The following CSMD2 variants were observed in gnomAD, a reference collection of about 807,000 sequenced individuals.
CSMD2 encodes the protein CUB and sushi domain-containing protein 2.
Under a neutral mutation model 398.5 loss-of-function variants are expected in CSMD2, and 130 were observed. The ratio of observed to expected loss-of-function variants is 0.33; its 90% CI spans 0.28 to 0.38. The LOEUF (loss-of-function observed/expected upper bound fraction) is 0.38. Among genes scored for constraint, CSMD2 ranks in the 10% least tolerant of loss-of-function variants. The probability of loss-of-function intolerance (pLI) is 1.00; values close to 1 mark genes in which losing one functional copy is unlikely to be tolerated. For missense variants in CSMD2, 3,829 were observed against 4,764.9 expected (o/e 0.80, Z 5.78); for synonymous variants, 1,828 against 1,908.5 (o/e 0.96, Z 1.10).
intron 44 of CSMD2, chr1:33,592,317 G>A (rs1639514625): frequency 8.4e-6 from 6 of 711,340 alleles, no homozygotes; most frequent in Non-Finnish European, 1.6e-5. Flanking sequence ...TCAGGAGATG[G>A]GTCCAGGCAA....
intron 3 of CSMD2, among the ~76,000 whole-genome samples, chr1:33,976,102 G>A (rs536860676): frequency 1.3e-5 from 2 of 152,170 alleles, no homozygotes; most frequent in Admixed American, 6.5e-5. Context: ...AAGGGACCCG[G>A]GTTGCTGTCT....
At chr1:34,135,264 A>T (rs868456424) in intron 1 of CSMD2, among the ~76,000 whole-genome samples, 3,007 of 151,748 alleles carry the variant, frequency 0.02, 101 homozygotes, top group African/African-American at 0.069. Flanking sequence ...ACACACACAC[A>T]CACACACACA....
chr1:34,117,636 T>C (rs886812789), intron 1 of CSMD2, among the ~76,000 whole-genome samples: 1 of 150,006 alleles, frequency 6.7e-6, no homozygotes, highest in Non-Finnish European at 1.5e-5. Flanking sequence ...AATACCAAAA[T>C]CAAAGATACT....
chr1:33,606,376 A>G (rs2148821764), intron 41 of CSMD2, among the ~76,000 whole-genome samples: 1 of 152,360 alleles, frequency 6.6e-6, no homozygotes, highest in South Asian at 2.1e-4. Context: ...CAACATCAAT[A>G]ACGCGGATCT....
intron 27 of CSMD2, among the ~76,000 whole-genome samples, chr1:33,653,596 GA>G (rs926993277): frequency 7.2e-5 from 11 of 152,156 alleles, no homozygotes; most frequent in Non-Finnish European, 1.5e-4. Flanking sequence ...TGGGGAGGGA[GA>G]AAGTGGCCAG....
intron 12 of CSMD2, among the ~76,000 whole-genome samples, chr1:33,775,483 G>A (rs1651855367): frequency 6.6e-6 from 1 of 152,098 alleles, no homozygotes; most frequent in Non-Finnish European, 1.5e-5. Flanking sequence ...CCCAGACCTG[G>A]GTCAGGAAAG....
chr1:33,864,459 C>A (rs747612103), intron 5 of CSMD2: 3 of 1,613,640 alleles, frequency 1.9e-6, no homozygotes, highest in Non-Finnish European at 2.5e-6. Context: ...AAAGCGGGAT[C>A]CCCAGGAACC....
chr1:33,536,328 A>G (rs1194819581), intron 62 of CSMD2, among the ~76,000 whole-genome samples: 1 of 151,950 alleles, frequency 6.6e-6, no homozygotes, highest in East Asian at 1.9e-4. Context: ...GGTCCACGCC[A>G]TTCTCCTGCC....
At chr1:33,929,143 C>T (rs982571705) in intron 4 of CSMD2, among the ~76,000 whole-genome samples, 2 of 152,120 alleles carry the variant, frequency 1.3e-5, no homozygotes, top group Non-Finnish European at 2.9e-5. Flanking sequence ...AACTTTGGCC[C>T]TTTATTCTAT....
chr1:34,074,185 A>G (rs2148307922), intron 2 of CSMD2, among the ~76,000 whole-genome samples: 1 of 152,358 alleles, frequency 6.6e-6, no homozygotes, highest in East Asian at 1.9e-4. Flanking sequence ...ATACAGAGCC[A>G]AACTATATCA....
intron 3 of CSMD2, among the ~76,000 whole-genome samples, chr1:34,014,453 C>A (rs1317044319): frequency 1.3e-5 from 2 of 152,248 alleles, no homozygotes; most frequent in Non-Finnish European, 2.9e-5. Context: ...CTGGTTGCAT[C>A]TCTGTTCTCC....
At position 33,673,640 on chromosome 1, in the gene CSMD2, A is replaced by G. The variant is rs1393759437; in HGVS notation, c.4053-10548T>C. On this transcript the variant is annotated intron_variant, in intron 25 of 70. Transcript: ENST00000373381. ...ACAAAGATACTCCTCGAGAAGAGCA[A>G]CTCCAAGACACATAATTGTCAGATT... 2.3e-4 allele frequency among the ~76,000 whole-genome samples: 35 copies of G among 152,162 alleles called. 1 individual carries two copies. The highest frequency in any genetic ancestry group is 8.8e-5 in the Non-Finnish European group (6 of 68,030).
rs766913897 is a variant in CSMD2 at position 33,700,545 on chromosome 1, G to A, written c.3705C>T (p.Thr1235=). The part of the protein sequence containing the change: ...WLDFITDAEN[T]SKGFELHFSS... ...AAAAGTGCAGTTCAAAGCCCTTGCT[G>A]GTGTTTTCAGCATCAGTGATGAAAT... The change falls in exon 23 of 71, where the codon ACC becomes ACT. Residue 1235 remains threonine (T), a synonymous_variant. Coordinates refer to ENST00000373381, the MANE Select transcript of CSMD2 (RefSeq NM_001281956.2). 6.2e-7 allele frequency: 1 copy of A among 1,614,192 alleles called. No homozygotes were observed. The highest frequency in any genetic ancestry group is 8.5e-7 in the Non-Finnish European group (1 of 1,180,030).
intron 66 of CSMD2, among the ~76,000 whole-genome samples, chr1:33,524,527 A>C (rs994074755): frequency 1.3e-5 from 2 of 151,856 alleles, no homozygotes; most frequent in African/African-American, 4.8e-5. Context: ...TTTTGAGTTT[A>C]CTTTTTTTTT....
chr1:33,994,483 G>A (rs1264862447), intron 3 of CSMD2, among the ~76,000 whole-genome samples: 1 of 151,994 alleles, frequency 6.6e-6, no homozygotes, highest in African/African-American at 2.4e-5. Flanking sequence ...ATGTTTAGGG[G>A]CTCCTTGATT....
intron 13 of CSMD2, among the ~76,000 whole-genome samples, chr1:33,761,703 A>G (rs901724030): frequency 6.6e-6 from 1 of 152,160 alleles, no homozygotes; most frequent in Non-Finnish European, 1.5e-5. Flanking sequence ...ATCCTCACTC[A>G]AGGAGTCTAG....
intron 2 of CSMD2, among the ~76,000 whole-genome samples, chr1:34,062,166 C>T (rs528250240): frequency 2.0e-5 from 3 of 152,188 alleles, no homozygotes; most frequent in African/African-American, 7.2e-5. Context: ...GCACATTTTA[C>T]CACAGCCCTT....
rs115892898 is a variant in CSMD2, at chr1:34,163,052, T to G, written c.187+1859A>C. On this transcript the variant is annotated intron_variant, in intron 1 of 70. Transcript: ENST00000373381. The surrounding 1 kb of genome is among the most constrained non-coding windows in gnomAD (Gnocchi z 5.4). ...GCAGGATTCCAGCACCGCTGAGCGG[T>G]GCAAGCGCCGGTGAGTCGGCCTTTT... Among the ~76,000 whole-genome samples, 2,547 of 152,234 alleles carry G rather than the reference T, an allele frequency of 0.017. 76 individuals are homozygous for G. Among genetic ancestry groups the G allele is most frequent in the African/African-American group, 0.059 (2,432 of 41,548 alleles).
chr1:33,602,230 G>T, intron 43 of CSMD2, 139 bp downstream of exon 43: 2 of 864,334 alleles, frequency 2.3e-6, no homozygotes, highest in Non-Finnish European at 3.6e-6. Context: ...ATGTTTATTT[G>T]AAACCCAGGA....
Sources: gnomAD v4.1 joint callset for allele counts (sites outside exome capture counted in the v4.1 genomes callset) on GRCh38, gnomAD v4.1.1 for gene constraint, Gnocchi (gnomAD v3.1) non-coding constraint, MANE v1.5 for transcripts, NCBI Gene and HGNC (gene_info 2026-07-23, HGNC 2026-07-21) for gene names.